Variants in PHACTR3 observed in about 807,000 individuals in gnomAD.
PHACTR3 encodes protein phosphatase 1, regulatory subunit 123.
A neutral mutation model predicts 66.8 loss-of-function variants in PHACTR3; 16 were observed. The ratio of observed to expected loss-of-function variants is 0.24; its 90% CI spans 0.16 to 0.36. The LOEUF (loss-of-function observed/expected upper bound fraction) is 0.36. Among genes scored for constraint, PHACTR3 ranks in the 10% least tolerant of loss-of-function variants. The pLI, the probability that PHACTR3 is intolerant of heterozygous loss-of-function variation, is 1.00. For synonymous variants in PHACTR3, 323 were observed against 292.1 expected (o/e 1.11, Z -1.08); for missense variants, 647 against 719.9 (o/e 0.90, Z 1.16).
chr20:59,722,027 G>T (rs1286967623), intron 1 of PHACTR3, among the ~76,000 whole-genome samples: 1 of 152,192 alleles, frequency 6.6e-6, no homozygotes, highest in Admixed American at 6.5e-5. Context: ...TCAGGAGATC[G>T]AGACCATCCT....
rs370660730 is a variant in PHACTR3 at position 59,700,866 on chromosome 20, T to A, written c.119-42241T>A. Reference sequence around the variant, plus strand: ...GTGCACTGGCACAATTATGGCTCTTTGCAGCCTCGACCTCCTGGGCTCAAG... The same window carrying A: ...GTGCACTGGCACAATTATGGCTCTTAGCAGCCTCGACCTCCTGGGCTCAAG... On this transcript the variant is annotated intron_variant, in intron 1 of 12. Transcript: ENST00000371015. 7.9e-5 allele frequency among the ~76,000 whole-genome samples: 12 copies of A among 152,334 alleles called. No homozygotes were observed. The East Asian group carries it at 2.3e-3, about 29-fold the overall frequency.
At chr20:59,584,297 CCTGTGTGTGA>C (rs2032952911) in intron 1 of PHACTR3, among the ~76,000 whole-genome samples, 1 of 150,582 alleles carries the variant, frequency 6.6e-6, no homozygotes, top group Non-Finnish European at 1.5e-5. Context: ...TGTGTACGTG[CCTGTGTGTGA>C]CTGTGTGTGT....
At chr20:59,790,131 T>G (rs1473997966) in intron 7 of PHACTR3, among the ~76,000 whole-genome samples, 1 of 152,212 alleles carries the variant, frequency 6.6e-6, no homozygotes, top group Non-Finnish European at 1.5e-5. Flanking sequence ...TTTTTAAAAT[T>G]TAACTTTAAA....
chr20:59,814,007 A>G (rs1419120372), intron 8 of PHACTR3, among the ~76,000 whole-genome samples: 1 of 152,230 alleles, frequency 6.6e-6, no homozygotes, highest in African/African-American at 2.4e-5. Context: ...GGGTGTGCCC[A>G]CTGGCGTGGC....
At chr20:59,707,085 T>G (rs1031610268) in intron 1 of PHACTR3, among the ~76,000 whole-genome samples, 5 of 152,246 alleles carry the variant, frequency 3.3e-5, no homozygotes, top group Non-Finnish European at 5.9e-5. Context: ...ATTGATTGGT[T>G]CACCGAGCTG....
chr20:59,844,933 C>A, intron 11 of PHACTR3: 1 of 298,982 alleles, frequency 3.3e-6, no homozygotes, highest in South Asian at 4.8e-5. Context: ...TCACATGTAC[C>A]CTGTATATAT....
chr20:59,828,893 C>G (rs1348177287), intron 8 of PHACTR3, among the ~76,000 whole-genome samples: 1 of 152,000 alleles, frequency 6.6e-6, no homozygotes. Context: ...TCATCCAGGG[C>G]TGAGGCTTGT....
chr20:59,826,657 C>T (rs554650500), intron 8 of PHACTR3, among the ~76,000 whole-genome samples: 1 of 151,946 alleles, frequency 6.6e-6, no homozygotes, highest in Non-Finnish European at 1.5e-5. Context: ...TCTGTCCCTG[C>T]CCTGTCTCTC....
At chr20:59,789,220 G>C (rs1459543217) in intron 7 of PHACTR3, among the ~76,000 whole-genome samples, 1 of 152,202 alleles carries the variant, frequency 6.6e-6, no homozygotes. Context: ...CCTCTGAGCA[G>C]AGTGGTGATC....
chr20:59,847,215 CAA>C lies in PHACTR3; in HGVS notation c.*86_*87del. On this transcript the variant is annotated 3_prime_UTR_variant, in exon 13 of 13. Coordinates refer to ENST00000371015, the MANE Select transcript of PHACTR3 (RefSeq NM_080672.5). ...CAGGGAACTTTCCTGAAGTTCAGCT[CAA>C]GACTACCCTACCTGCTGTGTTTGTG... 1.0e-6 allele frequency: 1 copy of C among 975,996 alleles called. No individual in the cohort carries two copies. The highest frequency in any genetic ancestry group is 1.6e-6 in the Non-Finnish European group (1 of 622,590). The allele number at this position is 975,996 out of a possible 1,614,324, so 60.5% of individuals were successfully genotyped here.
upstream of PHACTR3, among the ~76,000 whole-genome samples, chr20:59,600,575 G>T (rs921372368): frequency 6.6e-6 from 1 of 152,150 alleles, no homozygotes; most frequent in Non-Finnish European, 1.5e-5. Context: ...GTGTTGGAGG[G>T]GTTCTGCCAT....
chr20:59,694,412 C>T (rs1411958297), intron 1 of PHACTR3, among the ~76,000 whole-genome samples: 1 of 151,652 alleles, frequency 6.6e-6, no homozygotes, highest in African/African-American at 2.4e-5. Flanking sequence ...ATCATTGGCA[C>T]CTAGTAGGTC....
At chr20:59,723,094 C>CTT (rs976261669) in intron 1 of PHACTR3, among the ~76,000 whole-genome samples, 2 of 140,834 alleles carry the variant, frequency 1.4e-5, no homozygotes, top group South Asian at 4.6e-4. Flanking sequence ...TTCTTTCTTT[C>CTT]TTTCTTTCTT....
At chr20:59,712,439 C>T (rs1338825459) in intron 1 of PHACTR3, among the ~76,000 whole-genome samples, 2 of 152,080 alleles carry the variant, frequency 1.3e-5, no homozygotes, top group Admixed American at 6.6e-5. Flanking sequence ...GATGCATTTC[C>T]AGGTCTGTTA....
chr20:59,717,233 T>C (rs186339408), intron 1 of PHACTR3, among the ~76,000 whole-genome samples: 36 of 152,312 alleles, frequency 2.4e-4, no homozygotes, highest in Non-Finnish European at 2.2e-4. Flanking sequence ...GCAGAATTAA[T>C]GATCTTAATA....
intron 7 of PHACTR3, among the ~76,000 whole-genome samples, chr20:59,790,523 A>G (rs2146954442): frequency 6.6e-6 from 1 of 152,342 alleles, no homozygotes; most frequent in East Asian, 1.9e-4. Flanking sequence ...AAAAACAAAC[A>G]CTAACCTAAG....
chr20:59,707,311 G>A (rs1034223279), intron 1 of PHACTR3, among the ~76,000 whole-genome samples: 4 of 152,168 alleles, frequency 2.6e-5, no homozygotes, highest in East Asian at 3.9e-4. Context: ...AAGTTTGTCC[G>A]CTCTAAATCT....
At chr20:59,803,229 A>G (rs2041469317) in intron 7 of PHACTR3, among the ~76,000 whole-genome samples, 1 of 152,244 alleles carries the variant, frequency 6.6e-6, no homozygotes, top group Non-Finnish European at 1.5e-5. Flanking sequence ...AAGGTGAAAC[A>G]TTCTTCTCAA....
intron 3 of PHACTR3, among the ~76,000 whole-genome samples, chr20:59,754,524 C>T (rs947422239): frequency 1.3e-5 from 2 of 152,206 alleles, no homozygotes; most frequent in Admixed American, 1.3e-4. Context: ...TATTACAGTG[C>T]CAGACACGTA....
Sources: gnomAD v4.1 joint callset for allele counts (sites outside exome capture counted in the v4.1 genomes callset) on GRCh38, gnomAD v4.1.1 for gene constraint, MANE v1.5 for transcripts, NCBI Gene and HGNC (gene_info 2026-07-23, HGNC 2026-07-21) for gene names.